IL1RAPL1: variants seen among roughly 807,000 people sequenced by gnomAD.
The protein encoded by IL1RAPL1 is interleukin 1 receptor accessory protein like 1.
Under a neutral mutation model 48.4 loss-of-function variants are expected in IL1RAPL1, and 3 were observed. That is an observed-to-expected ratio of 0.06 (90% CI 0.03 to 0.16). The LOEUF is 0.16. Ranked by LOEUF, IL1RAPL1 falls within the 10% of genes least tolerant of loss-of-function variation. IL1RAPL1 has a pLI of 1.00. For missense variants in IL1RAPL1, 349 were observed against 530.6 expected (o/e 0.66, Z 3.36); for synonymous variants, 185 against 187.7 (o/e 0.99, Z 0.12).
intron 2 of IL1RAPL1, among the ~76,000 whole-genome samples, chrX:29,021,607 A>T (rs1456692183): frequency 8.9e-6 from 1 of 112,194 alleles, no homozygotes; most frequent in Admixed American, 9.5e-5. Context: ...AATTTTTGTC[A>T]TAGAAAGATA....
rs1477568334 is a variant in IL1RAPL1, at chrX:29,837,296, T to TACAC, written c.779-80167_779-80166insCACA. On this transcript the variant is annotated intron_variant, in intron 6 of 10. Transcript: ENST00000378993. ...AAATATATATATATATATATATATATATATACACACACACACACACACACA... is the reference window on the plus strand; with the variant it reads ...AAATATATATATATATATATATATATACACATATACACACACACACACACACACA... Among the ~76,000 whole-genome samples, 316 of 74,540 alleles carry TACAC rather than the reference T, an allele frequency of 4.2e-3. 8 individuals carry two copies. The highest frequency in any genetic ancestry group is 0.02 in the African/African-American group (297 of 14,836). 64.7% of individuals were successfully genotyped at this position (74,540 alleles called of 115,157 possible). A position where few individuals can be genotyped will look rare whatever the true frequency, so the allele number is the denominator to read the frequency against.
At chrX:29,368,310 C>G (rs1933494327) in intron 3 of IL1RAPL1, among the ~76,000 whole-genome samples, 1 of 112,191 alleles carries the variant, frequency 8.9e-6, no homozygotes, top group African/African-American at 3.2e-5. Context: ...AATACTGACA[C>G]AATTCAAAAA....
intron 1 of IL1RAPL1, among the ~76,000 whole-genome samples, chrX:28,634,345 G>A (rs189658618): frequency 0.085 from 9,201 of 108,114 alleles, 323 homozygotes; most frequent in African/African-American, 0.14. Context: ...GTGTGTGTGT[G>A]TATATGTATA....
chrX:29,391,845 T>C (rs770496753), intron 3 of IL1RAPL1, among the ~76,000 whole-genome samples: 1 of 112,000 alleles, frequency 8.9e-6, no homozygotes, highest in Non-Finnish European at 1.9e-5. Context: ...AAGTAGGAGA[T>C]GTGAGTTCTA....
chrX:29,405,168 T>C (rs1934042055), intron 5 of IL1RAPL1, among the ~76,000 whole-genome samples: 1 of 109,700 alleles, frequency 9.1e-6, no homozygotes, highest in Admixed American at 9.8e-5. Context: ...CACCTCAGCC[T>C]CCCAAAGTGC....
In IL1RAPL1 at chrX:29,529,143, A is replaced by G. The variant is rs180846622; in HGVS notation, c.703+129835A>G. Reference sequence around the variant, plus strand: ...AAAATTTCATGGTCATAAATGATATAGAAATAATGAGAAGGGATTCCAGAT... The same window carrying G: ...AAAATTTCATGGTCATAAATGATATGGAAATAATGAGAAGGGATTCCAGAT... On this transcript the variant is annotated intron_variant, in intron 5 of 10. Transcript: ENST00000378993. Among the ~76,000 whole-genome samples the G allele has an allele frequency of 9.5e-4, 106 of 111,992 alleles. 1 individual carries two copies. Among genetic ancestry groups the G allele is most frequent in the African/African-American group, 3.3e-3 (103 of 30,779 alleles).
intron 6 of IL1RAPL1, among the ~76,000 whole-genome samples, chrX:29,865,636 C>CT (rs1171882981): frequency 0.042 from 3,202 of 76,260 alleles, 122 homozygotes; most frequent in Non-Finnish European, 0.052. Flanking sequence ...CTTTTCTTTT[C>CT]TTTTTTTTTT....
At chrX:29,153,278 G>A (rs960460136) in intron 2 of IL1RAPL1, among the ~76,000 whole-genome samples, 1 of 111,522 alleles carries the variant, frequency 9.0e-6, no homozygotes, top group Admixed American at 9.6e-5. Flanking sequence ...CATAAAGTCA[G>A]CTAACTAGTA....
At chrX:28,612,427 T>C (rs1298498778) in intron 1 of IL1RAPL1, among the ~76,000 whole-genome samples, 3 of 111,868 alleles carry the variant, frequency 2.7e-5, no homozygotes, top group Non-Finnish European at 5.6e-5. Flanking sequence ...GGGTGGCAGA[T>C]AGTGTTCTGA....
intron 1 of IL1RAPL1, among the ~76,000 whole-genome samples, chrX:28,702,033 A>G (rs1056650743): frequency 1.8e-5 from 2 of 111,488 alleles, no homozygotes; most frequent in Non-Finnish European, 3.8e-5. Context: ...TCTGACAGTG[A>G]AATGATGCTC....
chrX:29,639,107 A>T (rs1925073916), intron 5 of IL1RAPL1, among the ~76,000 whole-genome samples: 1 of 105,785 alleles, frequency 9.5e-6, no homozygotes, highest in Non-Finnish European at 1.9e-5. Flanking sequence ...AATGGCGTGA[A>T]CCCAGGAGGC....
chrX:29,909,991 A>T (rs1233897910), intron 6 of IL1RAPL1, among the ~76,000 whole-genome samples: 1 of 111,768 alleles, frequency 8.9e-6, no homozygotes, highest in African/African-American at 3.3e-5. Flanking sequence ...ACAATAGCAG[A>T]CATGGAATCA....
chrX:29,261,729 T>G (rs1487658160), intron 2 of IL1RAPL1, among the ~76,000 whole-genome samples: 1 of 111,019 alleles, frequency 9.0e-6, no homozygotes, highest in African/African-American at 3.3e-5. Context: ...TTCATCTGTT[T>G]GGAATGTTCT....
chrX:29,647,078 G>A (rs756091935), intron 5 of IL1RAPL1, among the ~76,000 whole-genome samples: 15 of 112,583 alleles, frequency 1.3e-4, no homozygotes, highest in African/African-American at 4.8e-4. Flanking sequence ...GGCCGAGCGT[G>A]GTGGCTCACA....
intron 6 of IL1RAPL1, among the ~76,000 whole-genome samples, chrX:29,802,795 ATATATATATATATATG>A (rs1569172767): frequency 1.2e-3 from 64 of 51,437 alleles, no homozygotes; most frequent in African/African-American, 8.1e-3. Context: ...GTGTGTGTAT[ATATATATATATATATG>A]TGTGTATATA....
intron 5 of IL1RAPL1, among the ~76,000 whole-genome samples, chrX:29,629,278 C>A (rs1602334779): frequency 9.0e-6 from 1 of 111,298 alleles, no homozygotes; most frequent in East Asian, 2.8e-4. Context: ...AGAAAAAAAT[C>A]TACAGTATCA....
chrX:29,278,272 C>T (rs917370919), intron 2 of IL1RAPL1, among the ~76,000 whole-genome samples: 1 of 111,682 alleles, frequency 9.0e-6, no homozygotes, highest in African/African-American at 3.3e-5. Context: ...TTGATAATAG[C>T]CAATATATGT....
chrX:28,812,183 T>C (rs1179392330), intron 2 of IL1RAPL1, among the ~76,000 whole-genome samples: 4 of 111,095 alleles, frequency 3.6e-5, no homozygotes, highest in Non-Finnish European at 7.6e-5. Flanking sequence ...TCTATGTGCC[T>C]TTATTAGTTT....
At chrX:29,641,660 G>A (rs1925174501) in intron 5 of IL1RAPL1, among the ~76,000 whole-genome samples, 2 of 112,497 alleles carry the variant, frequency 1.8e-5, no homozygotes, top group Admixed American at 9.4e-5. Context: ...CCAGCACCAA[G>A]AACAGTGCCT....
Sources: allele counts gnomAD v4.1 joint callset (sites outside exome capture counted in the v4.1 genomes callset), GRCh38; gene constraint gnomAD v4.1.1; transcripts MANE v1.5; gene names NCBI Gene and HGNC (gene_info 2026-07-23, HGNC 2026-07-21).